Variants in NXPE3 observed in about 807,000 individuals in gnomAD.
The protein encoded by NXPE3 is neurexophilin and PC-esterase domain family member 3, also known as NXPE family member 3.
NXPE3 carries 26 observed loss-of-function variants against 46.1 expected under a neutral mutation model. The observed-to-expected ratio is 0.56, with a 90% CI of 0.41 to 0.78. NXPE3 has a LOEUF of 0.78. Ranked by LOEUF, NXPE3 falls within the 30% of genes least tolerant of loss-of-function variation. NXPE3 has a pLI of 0.00. For synonymous variants in NXPE3, 272 were observed against 257.9 expected, an observed-to-expected ratio of 1.05 and a Z score of -0.52; for missense variants, 620 against 686.0, an observed-to-expected ratio of 0.90 and a Z score of 1.07.
chr3:101,785,568 G>T lies in NXPE3; in HGVS notation c.-29G>T. 1 of 1,589,346 alleles carries T rather than the reference G, an allele frequency of 6.3e-7. No individual in the cohort carries two copies. Among genetic ancestry groups the T allele is most frequent in the Non-Finnish European group, 8.6e-7 (1 of 1,157,384 alleles). On this transcript the variant is annotated 5_prime_UTR_variant, in exon 4 of 8. Coordinates refer to ENST00000273347, the MANE Select transcript of NXPE3 (RefSeq NM_145037.4). The stretch of plus-strand genomic sequence containing the variant: ...AAAGAGTGAAGGTAGCATGGTGTCG[G>T]CCATGGGTGAACAAGACACAGCCAG...
At position 101,804,318 on chromosome 3, in the gene NXPE3, C is replaced by T. The variant is rs577315530; in HGVS notation, c.848+2329C>T. On this transcript the variant is annotated intron_variant, in intron 5 of 7. Transcript: ENST00000273347. ...CTACCATTAAAAACAAAAAAGCACC[C>T]GTGAACCCACAAGGATAAAATAATG... Among the ~76,000 whole-genome samples the T allele has an allele frequency of 1.4e-4, 21 of 152,246 alleles. No homozygotes were observed. The South Asian group carries it at 1.7e-3, about 12-fold the overall frequency.
At chr3:101,799,399 A>T (rs1941014993) in intron 4 of NXPE3, among the ~76,000 whole-genome samples, 1 of 152,118 alleles carries the variant, frequency 6.6e-6, no homozygotes, top group Non-Finnish European at 1.5e-5. Flanking sequence ...TAAGTGATGA[A>T]GAAAGCCCTA....
At chr3:101,817,228 A>G (rs968103059) in intron 7 of NXPE3, among the ~76,000 whole-genome samples, 6 of 152,298 alleles carry the variant, frequency 3.9e-5, no homozygotes, top group Admixed American at 6.5e-5. Flanking sequence ...TATGTCACTG[A>G]TGAGCTGTAT....
rs1942472707 is a variant in NXPE3 at position 101,825,991 on chromosome 3, T to G, written c.*4037T>G. The G allele has an allele frequency of 6.6e-6, 1 of 152,186 alleles. No homozygotes were observed. Among genetic ancestry groups the G allele is most frequent in the Non-Finnish European group, 1.5e-5 (1 of 68,022 alleles). 9.4% of individuals were successfully genotyped at this position (152,186 alleles called of 1,614,324 possible). A position where few individuals can be genotyped will look rare whatever the true frequency, so the allele number is the denominator to read the frequency against. On this transcript the variant is annotated 3_prime_UTR_variant, in exon 8 of 8. Coordinates refer to ENST00000273347, the MANE Select transcript of NXPE3 (RefSeq NM_145037.4). ...CAGCGAATGCAAAACAGACCTTTGGTGTTCCAGTATGATTCATTTTGCCAT... is the reference window on the plus strand; with the variant it reads ...CAGCGAATGCAAAACAGACCTTTGGGGTTCCAGTATGATTCATTTTGCCAT...
chr3:101,784,247 T>C (rs543523735), intron 3 of NXPE3, among the ~76,000 whole-genome samples: 4 of 152,116 alleles, frequency 2.6e-5, no homozygotes, highest in Admixed American at 6.6e-5. Flanking sequence ...ATAATTGGTA[T>C]AGTCTAGTTT....
At chr3:101,795,114 T>C (rs115602057) in intron 4 of NXPE3, among the ~76,000 whole-genome samples, 1 of 152,234 alleles carries the variant, frequency 6.6e-6, no homozygotes, top group Non-Finnish European at 1.5e-5. Flanking sequence ...CTGAAATTTG[T>C]CAGTCTCTCA....
intron 1 of NXPE3, 136 bp downstream of exon 1, chr3:101,779,460 A>T (rs924062398): frequency 6.6e-6 from 1 of 152,526 alleles, no homozygotes; most frequent in African/African-American, 2.4e-5. Flanking sequence ...CCGAGTCCCC[A>T]GCCCCGTGCT....
chr3:101,804,852 A>C (rs780365057), intron 5 of NXPE3, among the ~76,000 whole-genome samples: 8 of 152,170 alleles, frequency 5.3e-5, no homozygotes, highest in Non-Finnish European at 1.0e-4. Flanking sequence ...AGATCCTATT[A>C]ATATAAGGGA....
At chr3:101,816,493 C>T (rs1269430671) in intron 6 of NXPE3, among the ~76,000 whole-genome samples, 1 of 152,024 alleles carries the variant, frequency 6.6e-6, no homozygotes, top group Non-Finnish European at 1.5e-5. Context: ...CATTGTTCAA[C>T]TCCTACTTAT....
intron 4 of NXPE3, among the ~76,000 whole-genome samples, chr3:101,795,918 G>A (rs1471834338): frequency 6.6e-6 from 1 of 152,144 alleles, no homozygotes; most frequent in Non-Finnish European, 1.5e-5. Flanking sequence ...CAGAGCAATG[G>A]CGTTTTTGCT....
At chr3:101,802,903 G>T (rs1024909809) in intron 5 of NXPE3, among the ~76,000 whole-genome samples, 1 of 151,996 alleles carries the variant, frequency 6.6e-6, no homozygotes, top group African/African-American at 2.4e-5. Flanking sequence ...CTGGCCAAGC[G>T]TGGTGGCTCA....
intron 4 of NXPE3, among the ~76,000 whole-genome samples, chr3:101,800,300 T>C (rs1448113288): frequency 1.3e-5 from 2 of 152,182 alleles, no homozygotes; most frequent in Non-Finnish European, 2.9e-5. Context: ...TCTCATGAGA[T>C]TTTGTATGTT....
intron 6 of NXPE3, among the ~76,000 whole-genome samples, chr3:101,809,881 T>A (rs1941634603): frequency 1.3e-5 from 2 of 152,206 alleles, no homozygotes; most frequent in South Asian, 4.1e-4. Context: ...TTGAGGCTTG[T>A]CTTGTATTTT....
In NXPE3 at chr3:101,825,528, C is replaced by T. The variant is rs1942455087; in HGVS notation, c.*3574C>T. ...AAATCTATGGATAAAATCCATAATTCTATCATCTGAATGCAATGAACATTA... is the reference window on the plus strand; with the variant it reads ...AAATCTATGGATAAAATCCATAATTTTATCATCTGAATGCAATGAACATTA... On this transcript the variant is annotated 3_prime_UTR_variant, in exon 8 of 8. Transcript: ENST00000273347. The T allele has an allele frequency of 6.6e-6, 1 of 152,086 alleles. No individual in the cohort carries two copies. Among genetic ancestry groups the T allele is most frequent in the African/African-American group, 2.4e-5 (1 of 41,430 alleles). 9.4% of individuals were successfully genotyped at this position (152,086 alleles called of 1,614,324 possible).
chr3:101,780,780 T>C (rs1939771935), intron 1 of NXPE3, among the ~76,000 whole-genome samples: 1 of 152,224 alleles, frequency 6.6e-6, no homozygotes, highest in Non-Finnish European at 1.5e-5. Context: ...CTCCACTTGC[T>C]ATGTAACCTC....
chr3:101,791,842 T>G (rs1940537274), intron 4 of NXPE3, among the ~76,000 whole-genome samples: 1 of 152,216 alleles, frequency 6.6e-6, no homozygotes, highest in African/African-American at 2.4e-5. Context: ...TAGTTCTGCT[T>G]TTAGGTCTTT....
chr3:101,816,685 C>T lies in NXPE3; in HGVS notation c.923-110C>T, dbSNP rs147511727. The stretch of plus-strand genomic sequence containing the variant: ...GAGGTCTGACAGCAGGAAATGTTTC[C>T]CACATGCTATCAGGCTAACAAATAC... On this transcript the variant is annotated intron_variant, in intron 6 of 7. Transcript: ENST00000273347. 2.6e-3 allele frequency: 2,086 copies of T among 814,716 alleles called. 38 individuals carry two copies. In the African/African-American group the frequency reaches 0.033, roughly 13 times the overall value. The allele number at this position is 814,716 out of a possible 1,614,324, so 50.5% of individuals were successfully genotyped here. A position where few individuals can be genotyped will look rare whatever the true frequency, so the allele number is the denominator to read the frequency against.
chr3:101,804,827 C>T (rs1941333419), intron 5 of NXPE3, among the ~76,000 whole-genome samples: 1 of 152,182 alleles, frequency 6.6e-6, no homozygotes, highest in Admixed American at 6.5e-5. Flanking sequence ...GAAAGGACAA[C>T]AGGGGTTTCC....
chr3:101,780,695 C>A (rs1289385915), intron 1 of NXPE3, among the ~76,000 whole-genome samples: 1 of 152,214 alleles, frequency 6.6e-6, no homozygotes, highest in African/African-American at 2.4e-5. Flanking sequence ...TTGAGGACCA[C>A]AACCTATCAA....
Sources: gnomAD v4.1 joint callset for allele counts (sites outside exome capture counted in the v4.1 genomes callset) on GRCh38, gnomAD v4.1.1 for gene constraint, MANE v1.5 for transcripts, NCBI Gene and HGNC (gene_info 2026-07-23, HGNC 2026-07-21) for gene names.